Variants in ILRUN observed in about 807,000 individuals in gnomAD.
ILRUN encodes protein ILRUN.
Under a neutral mutation model 33.8 loss-of-function variants are expected in ILRUN, and 3 were observed. The ratio of observed to expected loss-of-function variants is 0.09; its 90% CI spans 0.04 to 0.23. The LOEUF is 0.23. Ranked by LOEUF, ILRUN falls within the 10% of genes least tolerant of loss-of-function variation. The pLI is 1.00. For missense variants in ILRUN, 210 were observed against 375.1 expected (o/e 0.56, Z 3.64); for synonymous variants, 124 against 138.9 (o/e 0.89, Z 0.75).
intron 3 of ILRUN, among the ~76,000 whole-genome samples, chr6:34,631,051 A>G (rs1235505708): frequency 6.6e-6 from 1 of 152,170 alleles, no homozygotes; most frequent in Non-Finnish European, 1.5e-5. Flanking sequence ...CCATTGAAGA[A>G]CTTAGCATAC....
chr6:34,688,674 G>A (rs982935630), intron 1 of ILRUN, among the ~76,000 whole-genome samples: 12 of 152,056 alleles, frequency 7.9e-5, no homozygotes, highest in Non-Finnish European at 1.5e-4. Flanking sequence ...TTAGCCAGGC[G>A]TGATCTTGCA....
chr6:34,651,325 T>A (rs1762663513), intron 2 of ILRUN, among the ~76,000 whole-genome samples: 2 of 152,076 alleles, frequency 1.3e-5, no homozygotes, highest in African/African-American at 4.8e-5. Context: ...TCAGAAGCTG[T>A]TTTAAACTGA....
chr6:34,594,618 C>T (rs914243375), intron 4 of ILRUN, among the ~76,000 whole-genome samples: 25 of 152,214 alleles, frequency 1.6e-4, no homozygotes, highest in African/African-American at 6.0e-4. Context: ...CCTAAGCTTT[C>T]ACTGACCAGC....
rs565586897 is a variant in ILRUN at position 34,635,679 on chromosome 6, A to G, written c.511+10922T>C. On this transcript the variant is annotated intron_variant, in intron 3 of 4. Transcript: ENST00000374023. Reference sequence around the variant, plus strand: ...GCCCAGGCTACAATGCAATGGCGCGATTTCGCCTCACTGCAACCTCTGCCT... The same window carrying G: ...GCCCAGGCTACAATGCAATGGCGCGGTTTCGCCTCACTGCAACCTCTGCCT... 7.0e-5 allele frequency among the ~76,000 whole-genome samples: 10 copies of G among 141,912 alleles called. No individual in the cohort carries two copies. In the East Asian group the frequency reaches 2.1e-3, roughly 29 times the overall value. 93.1% of individuals were successfully genotyped at this position (141,912 alleles called of 152,430 possible). A position where few individuals can be genotyped will look rare whatever the true frequency, so the allele number is the denominator to read the frequency against.
intron 1 of ILRUN, among the ~76,000 whole-genome samples, chr6:34,669,432 G>A (rs903584572): frequency 6.6e-6 from 1 of 151,894 alleles, no homozygotes; most frequent in Non-Finnish European, 1.5e-5. Context: ...CCCAGCCTGA[G>A]GCCTTCTTTT....
intron 3 of ILRUN, among the ~76,000 whole-genome samples, chr6:34,644,919 G>A (rs1762537767): frequency 6.6e-6 from 1 of 152,136 alleles, no homozygotes; most frequent in South Asian, 2.1e-4. Flanking sequence ...CTGACTGTGG[G>A]GGAGTTAGGG....
At chr6:34,654,558 T>C in intron 2 of ILRUN, 67 bp downstream of exon 2, 1 of 1,482,128 alleles carries the variant, frequency 6.7e-7, no homozygotes, top group Non-Finnish European at 9.1e-7. Flanking sequence ...GCTAAAACAT[T>C]TCCTTCTTAT....
chr6:34,618,880 G>C (rs1761953010), intron 3 of ILRUN, among the ~76,000 whole-genome samples: 1 of 152,006 alleles, frequency 6.6e-6, no homozygotes, highest in African/African-American at 2.4e-5. Flanking sequence ...GATAGAGAAG[G>C]AACAGCCCTG....
chr6:34,666,453 C>T (rs375120599), intron 1 of ILRUN, among the ~76,000 whole-genome samples: 25 of 152,128 alleles, frequency 1.6e-4, no homozygotes, highest in African/African-American at 5.1e-4. Context: ...CCCAGTTACT[C>T]GCGAGGCTGC....
chr6:34,626,053 T>G (rs1485264009), intron 3 of ILRUN, among the ~76,000 whole-genome samples: 2 of 152,156 alleles, frequency 1.3e-5, no homozygotes, highest in Non-Finnish European at 2.9e-5. Context: ...GGTTTCACCA[T>G]GTTAGCTAGG....
chr6:34,631,658 A>C (rs1442375930), intron 3 of ILRUN, among the ~76,000 whole-genome samples: 2 of 152,086 alleles, frequency 1.3e-5, no homozygotes, highest in East Asian at 3.9e-4. Flanking sequence ...CTCACTATTT[A>C]TATATCTTGC....
rs565862107 is a variant in ILRUN, at chr6:34,611,487, A to T, written c.512-4583T>A. ...TACAACTTCTACGTGGTACAATCTC[A>T]ATCATCTTGTACCACTTCTAGACCT... On this transcript the variant is annotated intron_variant, in intron 3 of 4. Transcript: ENST00000374023. Among the ~76,000 whole-genome samples the T allele has an allele frequency of 5.3e-4, 81 of 152,140 alleles. 1 individual carries two copies. Among genetic ancestry groups the T allele is most frequent in the Non-Finnish European group, 1.0e-3 (70 of 68,020 alleles).
intron 1 of ILRUN, among the ~76,000 whole-genome samples, chr6:34,657,609 T>C (rs1344089618): frequency 6.6e-6 from 1 of 152,116 alleles, no homozygotes; most frequent in East Asian, 1.9e-4. Flanking sequence ...ACAAAGCAAA[T>C]TCATTTCCCA....
At chr6:34,620,879 G>A (rs1582051867) in intron 3 of ILRUN, among the ~76,000 whole-genome samples, 1 of 152,208 alleles carries the variant, frequency 6.6e-6, no homozygotes, top group East Asian at 1.9e-4. Flanking sequence ...GATAACATCT[G>A]CCTTTGATAA....
Position 34,646,575 on chromosome 6 carries a change from C to T in ILRUN, c.511+26G>A. On this transcript the variant is annotated intron_variant, in intron 3 of 4. Coordinates refer to ENST00000374023, the MANE Select transcript of ILRUN (RefSeq NM_024294.4). The surrounding 1 kb of genome is among the most constrained non-coding windows in gnomAD (Gnocchi z 4.9). ...TAAGATGTTACCTTAGTTCCTTTAC[C>T]CTGGGCTGCACAAGGACATACTCAC... 2 of 1,610,206 alleles carry T rather than the reference C, an allele frequency of 1.2e-6. No individual in the cohort carries two copies. The highest frequency in any genetic ancestry group is 1.7e-6 in the Non-Finnish European group (2 of 1,177,264).
intron 1 of ILRUN, among the ~76,000 whole-genome samples, chr6:34,674,846 G>A (rs550512252): frequency 2.0e-4 from 31 of 152,140 alleles, no homozygotes; most frequent in African/African-American, 7.5e-4. Context: ...GATCAGTTGA[G>A]CCCAGGAGTT....
Position 34,606,700 on chromosome 6 carries a change from C to T in ILRUN, c.716G>A (p.Ser239Asn), listed in dbSNP as rs188849106. The change falls in exon 4 of 5, where the codon AGC (serine) becomes AAC (asparagine). Residue 239 changes from serine to asparagine, a missense_variant. Physicochemically the swap from Ser to Asn is conservative, Grantham distance 46. Coordinates refer to ENST00000374023, the MANE Select transcript of ILRUN (RefSeq NM_024294.4). Reference sequence around the variant, plus strand: ...AGGAGCAGGAGCCCATGTGTTTTTGCTGATCGAGTCGAACTCGGAGCCCCC... The same window carrying T: ...AGGAGCAGGAGCCCATGTGTTTTTGTTGATCGAGTCGAACTCGGAGCCCCC... ...DPGGSEFDSI[S>N]KNTWAPAPDT... is the part of the protein sequence containing the mutation. 1 of 1,614,058 alleles carries T rather than the reference C, an allele frequency of 6.2e-7. No homozygotes were observed. Among genetic ancestry groups the T allele is most frequent in the East Asian group, 2.2e-5 (1 of 44,896 alleles).
intron 1 of ILRUN, among the ~76,000 whole-genome samples, chr6:34,657,853 T>C (rs1428199135): frequency 1.3e-5 from 2 of 152,190 alleles, no homozygotes; most frequent in Admixed American, 1.3e-4. Context: ...AGCCAACAAG[T>C]AATTCTTCAT....
intron 1 of ILRUN, among the ~76,000 whole-genome samples, chr6:34,669,801 G>A (rs1010882797): frequency 6.6e-6 from 1 of 151,982 alleles, no homozygotes; most frequent in African/African-American, 2.4e-5. Flanking sequence ...ATGATATACT[G>A]ATATATGCTA....
Sources: gnomAD v4.1 joint callset for allele counts (sites outside exome capture counted in the v4.1 genomes callset) on GRCh38, gnomAD v4.1.1 for gene constraint, Gnocchi (gnomAD v3.1) non-coding constraint, MANE v1.5 for transcripts, NCBI Gene and HGNC (gene_info 2026-07-23, HGNC 2026-07-21) for gene names.